The following BPIFB3 variants were observed in gnomAD, a reference collection of about 807,000 sequenced individuals.
BPIFB3 encodes the protein BPI fold containing family B member 3, also known as BPI fold-containing family B member 3.
A neutral mutation model predicts 53.1 loss-of-function variants in BPIFB3; 49 were observed. The ratio of observed to expected loss-of-function variants is 0.92; its 90% CI spans 0.73 to 1.17. The LOEUF (loss-of-function observed/expected upper bound fraction) is 1.17, where lower values mean the gene tolerates loss of function less well. Ranked by LOEUF, BPIFB3 falls within the 50% of genes most tolerant of loss-of-function variation. BPIFB3 has a pLI of 0.00. For missense variants in BPIFB3, 628 were observed against 592.5 expected, an observed-to-expected ratio of 1.06 and a Z score of -0.62; for synonymous variants, 271 against 269.6, an observed-to-expected ratio of 1.01 and a Z score of -0.05.
chr20:33,060,165 G>T (rs1178610674), intron 4 of BPIFB3, 134 bp downstream of exon 5: 2 of 1,227,932 alleles, frequency 1.6e-6, no homozygotes, highest in African/African-American at 3.0e-5. Flanking sequence ...TTGTCCCGCC[G>T]GTTTCAACCC....
intron 5 of BPIFB3, among the ~76,000 whole-genome samples, chr20:33,062,353 G>T (rs894329557): frequency 6.6e-6 from 1 of 152,192 alleles, no homozygotes; most frequent in African/African-American, 2.4e-5. Context: ...AGAGGGGAGG[G>T]CCACATAGAC....
At chr20:33,069,376 T>C (rs1980796565) in intron 10 of BPIFB3, among the ~76,000 whole-genome samples, 1 of 151,980 alleles carries the variant, frequency 6.6e-6, no homozygotes, top group South Asian at 2.1e-4. Context: ...CCCCCTATCC[T>C]CCACCTTGGC....
exon 11 of BPIFB3, chr20:33,069,930 C>G (rs369835006): frequency 6.2e-7 from 1 of 1,614,102 alleles, no homozygotes; most frequent in African/African-American, 1.3e-5. Flanking sequence ...GGCTACCAAG[C>G]TGCACATCTC....
chr20:33,054,789 A>T (rs1005331242), upstream of BPIFB3, among the ~76,000 whole-genome samples: 1 of 152,158 alleles, frequency 6.6e-6, no homozygotes, highest in African/African-American at 2.4e-5. Flanking sequence ...GAAAAATCCC[A>T]CTCTGTGAAC....
At chr20:33,072,279 C>A in intron 13 of BPIFB3, 112 bp downstream of exon 14, 1 of 1,169,968 alleles carries the variant, frequency 8.5e-7, no homozygotes, top group Non-Finnish European at 1.3e-6. Flanking sequence ...AGAGAGAGGT[C>A]GATCCTCATT....
chr20:33,069,114 C>T, intron 10 of BPIFB3, 141 bp downstream of exon 11: 3 of 909,204 alleles, frequency 3.3e-6, no homozygotes, highest in South Asian at 1.9e-5. Context: ...CCCCGCCCCA[C>T]AACCACTGTC....
rs191614724 is a variant in BPIFB3 at position 33,068,736 on chromosome 20, G to A, written c.979-67G>A. Reference sequence around the variant, plus strand: ...CCAGTGCCTGGTAGGTGCTTAGTGAGTGTTTGCTGACTGACTGACTGATTG... The same window carrying A: ...CCAGTGCCTGGTAGGTGCTTAGTGAATGTTTGCTGACTGACTGACTGATTG... On this transcript the variant is annotated intron_variant, in intron 9 of 14. Coordinates refer to ENST00000375494, the Ensembl canonical transcript of BPIFB3. 2.0e-6 allele frequency: 3 copies of A among 1,519,360 alleles called. No homozygotes were observed. In the African/African-American group the frequency reaches 4.1e-5, roughly 21 times the overall value. The allele number at this position is 1,519,360 out of a possible 1,614,324, so 94.1% of individuals were successfully genotyped here.
chr20:33,053,929 G>C (rs1049142454), upstream of BPIFB3, among the ~76,000 whole-genome samples: 22 of 152,186 alleles, frequency 1.4e-4, no homozygotes, highest in Admixed American at 3.9e-4. Flanking sequence ...GAGGCCGGGA[G>C]CCCCCACCTA....
rs189461803 is a variant in BPIFB3, at chr20:33,059,015, G to A, written c.282-363G>A. On this transcript the variant is annotated intron_variant, in intron 2 of 14. Transcript: ENST00000375494. ...TGAGTGTGCAGGGGTATAGCAGGGC[G>A]CAATGTCAAGGCCAGAAACCAAACC... 5.3e-5 allele frequency among the ~76,000 whole-genome samples: 8 copies of A among 152,244 alleles called. No individual in the cohort carries two copies. The East Asian group carries it at 9.7e-4, about 18-fold the overall frequency.
chr20:33,073,734 A>G, downstream of BPIFB3: 4 of 1,111,470 alleles, frequency 3.6e-6, no homozygotes, highest in Non-Finnish European at 2.6e-6. Flanking sequence ...CTGAAGCACT[A>G]CTCCAAGTTT....
At chr20:33,071,408 G>C in intron 12 of BPIFB3, 113 bp downstream of exon 13, 1 of 1,248,798 alleles carries the variant, frequency 8.0e-7, no homozygotes, top group Non-Finnish European at 1.1e-6. Flanking sequence ...CTCAGGACTG[G>C]GATCCTCCCC....
chr20:33,066,703 G>A, intron 8 of BPIFB3, 121 bp from the exon 10 acceptor site: 3 of 887,624 alleles, frequency 3.4e-6, no homozygotes, highest in Non-Finnish European at 5.6e-6. Context: ...TGTTTGTAGT[G>A]ATATATGTAT....
intron 9 of BPIFB3, among the ~76,000 whole-genome samples, chr20:33,067,636 G>A (rs1600543169): frequency 6.6e-6 from 1 of 152,222 alleles, no homozygotes; most frequent in Non-Finnish European, 1.5e-5. Context: ...GGATGCGATT[G>A]GAGTCAGACA....
chr20:33,058,573 A>G lies in BPIFB3; in HGVS notation c.282-805A>G, dbSNP rs143424934. Among the ~76,000 whole-genome samples the G allele has an allele frequency of 3.4e-3, 519 of 152,068 alleles. 3 individuals are homozygous for G. Among genetic ancestry groups the G allele is most frequent in the Non-Finnish European group, 6.0e-3 (408 of 67,994 alleles). ...AGAGAGTAAGTGTTGGATAGATATT[A>G]TTATTATTATTAATGCAATATTTAC... On this transcript the variant is annotated intron_variant, in intron 2 of 14. Transcript: ENST00000375494.
chr20:33,057,526 T>A (rs113452053), intron 2 of BPIFB3, among the ~76,000 whole-genome samples: 80 of 32,440 alleles, frequency 2.5e-3, no homozygotes, highest in South Asian at 8.4e-3. Context: ...CTGCTACGAT[T>A]GTCTGAATGT....
exon 9 of BPIFB3, chr20:33,066,875 G>A: frequency 1.2e-6 from 2 of 1,614,040 alleles, no homozygotes; most frequent in Non-Finnish European, 1.7e-6. Context: ...TTTGCTCCCT[G>A]AGGTGAGTGA....
chr20:33,054,784 A>G (rs1442919376), upstream of BPIFB3, among the ~76,000 whole-genome samples: 1 of 152,180 alleles, frequency 6.6e-6, no homozygotes, highest in Admixed American at 6.5e-5. Flanking sequence ...TTAAAGAAAA[A>G]TCCCACTCTG....
At chr20:33,073,320 G>C (rs887392804) in intron 14 of BPIFB3, among the ~76,000 whole-genome samples, 1 of 152,212 alleles carries the variant, frequency 6.6e-6, no homozygotes, top group Non-Finnish European at 1.5e-5. Flanking sequence ...CAAGGCTGAA[G>C]TAGGTCAGAT....
intron 12 of BPIFB3, among the ~76,000 whole-genome samples, chr20:33,071,729 G>A (rs1365214166): frequency 6.6e-6 from 1 of 152,144 alleles, no homozygotes; most frequent in Non-Finnish European, 1.5e-5. Context: ...TCAGGTTCTA[G>A]AACATTCTCA....
Sources: allele counts gnomAD v4.1 joint callset (sites outside exome capture counted in the v4.1 genomes callset), GRCh38; gene constraint gnomAD v4.1.1; transcripts MANE v1.5; gene names NCBI Gene and HGNC (gene_info 2026-07-23, HGNC 2026-07-21).